The following ANO6 variants were observed in gnomAD, a reference collection of about 807,000 sequenced individuals.
ANO6 encodes anoctamin 6.
Under a neutral mutation model 117.5 loss-of-function variants are expected in ANO6, and 106 were observed. That is an observed-to-expected ratio of 0.90 (90% CI 0.77 to 1.06). The LOEUF (loss-of-function observed/expected upper bound fraction) is 1.06. Ranked by LOEUF, ANO6 falls within the 50% of genes least tolerant of loss-of-function variation. ANO6 has a pLI of 0.00. For synonymous variants in ANO6, 367 were observed against 385.1 expected (o/e 0.95, Z 0.55); for missense variants, 955 against 1,121.1 (o/e 0.85, Z 2.12).
chr12:45,322,806 C>T (rs562183127), intron 2 of ANO6, among the ~76,000 whole-genome samples: 1 of 152,272 alleles, frequency 6.6e-6, no homozygotes, highest in East Asian at 1.9e-4. Flanking sequence ...CAACTGCTTG[C>T]CAAGGACATT....
rs12815254 is a variant in ANO6 at position 45,255,988 on chromosome 12, A to C, written c.70+39597A>C. ...AGGCATGCACCACTACCCCCACCTA[A>C]TTTTTGTATTTTTTAGTAGAGACAG... is the stretch of plus-strand genomic sequence containing the variant. On this transcript the variant is annotated intron_variant, in intron 1 of 19. Coordinates refer to ENST00000320560, the MANE Select transcript of ANO6 (RefSeq NM_001025356.3). Among the ~76,000 whole-genome samples the C allele has an allele frequency of 3.0e-3, 452 of 150,856 alleles. 2 individuals carry two copies. The highest frequency in any genetic ancestry group is 0.017 in the Middle Eastern group (5 of 294).
chr12:45,418,856 T>C (rs1943280535), intron 17 of ANO6, among the ~76,000 whole-genome samples: 1 of 152,258 alleles, frequency 6.6e-6, no homozygotes, highest in South Asian at 2.1e-4. Context: ...TTGATTAAAC[T>C]ATGGGCAATC....
chr12:45,314,931 C>T (rs1212220666), intron 2 of ANO6, among the ~76,000 whole-genome samples: 1 of 152,060 alleles, frequency 6.6e-6, no homozygotes, highest in Non-Finnish European at 1.5e-5. Flanking sequence ...ATTACATGAA[C>T]ATATCAGTGA....
At chr12:45,439,724 A>C (rs1322608486) in exon 20 of ANO6, 12 of 1,536,644 alleles carry the variant, frequency 7.8e-6, no homozygotes, top group East Asian at 2.5e-5. Context: ...ATCTTGGCTC[A>C]CTGCAACCTC....
At chr12:45,250,761 TAAA>T (rs1237444756) in intron 1 of ANO6, among the ~76,000 whole-genome samples, 12 of 116,542 alleles carry the variant, frequency 1.0e-4, no homozygotes, top group East Asian at 4.9e-4. Flanking sequence ...TCTGGTTACT[TAAA>T]AAAAAAAAAA....
intron 10 of ANO6, among the ~76,000 whole-genome samples, chr12:45,386,804 G>A (rs763358132): frequency 5.1e-4 from 78 of 152,198 alleles, no homozygotes; most frequent in Non-Finnish European, 1.0e-3. Flanking sequence ...CTTTGCATGC[G>A]CAGCTCCCTG....
intron 2 of ANO6, among the ~76,000 whole-genome samples, chr12:45,305,137 T>C (rs1325296676): frequency 2.0e-5 from 3 of 152,144 alleles, no homozygotes; most frequent in Non-Finnish European, 4.4e-5. Context: ...GTGCATGTGT[T>C]CTTGCTACCC....
intron 10 of ANO6, among the ~76,000 whole-genome samples, chr12:45,379,028 G>A (rs1264061072): frequency 1.3e-5 from 2 of 152,156 alleles, no homozygotes; most frequent in African/African-American, 4.8e-5. Flanking sequence ...AACTTTAAAT[G>A]TTTAATTGAT....
chr12:45,354,368 A>G (rs1941358854), intron 7 of ANO6, among the ~76,000 whole-genome samples: 1 of 152,202 alleles, frequency 6.6e-6, no homozygotes, highest in Non-Finnish European at 1.5e-5. Context: ...ATGTAACTCT[A>G]TGTATGCTCA....
chr12:45,351,995 G>C (rs1233141822), intron 7 of ANO6, among the ~76,000 whole-genome samples: 3 of 152,036 alleles, frequency 2.0e-5, no homozygotes, highest in East Asian at 3.9e-4. Flanking sequence ...ATGTGTTTGG[G>C]GAGTCGGGTC....
chr12:45,438,065 GCT>G (rs1189948157), intron 19 of ANO6, among the ~76,000 whole-genome samples: 1 of 152,108 alleles, frequency 6.6e-6, no homozygotes, highest in Non-Finnish European at 1.5e-5. Context: ...CTCTAGTAAA[GCT>G]CTGTCTCTGA....
intron 9 of ANO6, among the ~76,000 whole-genome samples, chr12:45,371,619 A>C (rs1256941134): frequency 7.2e-5 from 11 of 151,914 alleles, no homozygotes; most frequent in African/African-American, 9.7e-5. Context: ...CTCACACGGC[A>C]GGGTACTCCA....
chr12:45,321,407 C>T (rs1940265656), intron 2 of ANO6, among the ~76,000 whole-genome samples: 2 of 151,900 alleles, frequency 1.3e-5, no homozygotes, highest in African/African-American at 4.8e-5. Context: ...TGGAAGGTAT[C>T]GATTCACTAA....
intron 1 of ANO6, among the ~76,000 whole-genome samples, chr12:45,225,437 G>A (rs1011102295): frequency 6.6e-5 from 10 of 151,750 alleles, no homozygotes; most frequent in Admixed American, 3.3e-4. Context: ...CCTGAATATC[G>A]TAATGTTTTT....
chr12:45,432,866 A>G (rs1039940292), downstream of ANO6, among the ~76,000 whole-genome samples: 3 of 152,164 alleles, frequency 2.0e-5, no homozygotes, highest in African/African-American at 7.2e-5. Context: ...GAGAGGCAAT[A>G]TGTAAATGGA....
At chr12:45,270,674 CTT>C in intron 1 of ANO6, 1 of 464,112 alleles carries the variant, frequency 2.2e-6, no homozygotes, top group Admixed American at 4.1e-5. Flanking sequence ...AGTTCTGTAA[CTT>C]TTTATTCCTC....
rs1943592006 is a variant in ANO6, at chr12:45,429,796, TA to T, written c.*487del. 3.0e-6 allele frequency: 3 copies of T among 995,840 alleles called. No homozygotes were observed. Among genetic ancestry groups the T allele is most frequent in the South Asian group, 8.8e-5 (2 of 22,686 alleles). The allele number at this position is 995,840 out of a possible 1,614,324, so 61.7% of individuals were successfully genotyped here. On this transcript the variant is annotated 3_prime_UTR_variant, in exon 20 of 20. Transcript: ENST00000320560. ...TAGCTTTCATGTGATTAAAAATAGC[TA>T]ACTAGACTCAAGGATTCACAATATT...
chr12:45,403,732 T>C (rs953296523), intron 15 of ANO6, among the ~76,000 whole-genome samples, 196 bp downstream of exon 15: 1 of 152,190 alleles, frequency 6.6e-6, no homozygotes, highest in Admixed American at 6.5e-5. Context: ...GATCTAATAA[T>C]TGTATTTTAA....
At chr12:45,420,279 A>G (rs1943324428) in intron 17 of ANO6, among the ~76,000 whole-genome samples, 1 of 152,178 alleles carries the variant, frequency 6.6e-6, no homozygotes, top group Non-Finnish European at 1.5e-5. Flanking sequence ...AGCTAAATCA[A>G]TTATATAAAG....
Sources: allele counts gnomAD v4.1 joint callset (sites outside exome capture counted in the v4.1 genomes callset), GRCh38; gene constraint gnomAD v4.1.1; transcripts MANE v1.5; gene names NCBI Gene and HGNC (gene_info 2026-07-23, HGNC 2026-07-21).